The following PROSER1 variants were observed in gnomAD, a reference collection of about 807,000 sequenced individuals.
PROSER1 encodes the protein proline and serine-rich protein 1.
A neutral mutation model predicts 71.8 loss-of-function variants in PROSER1; 36 were observed. That is an observed-to-expected ratio of 0.50 (90% confidence interval 0.38 to 0.66). The LOEUF is 0.66. PROSER1 is among the 30% of genes least tolerant of loss of function. The probability of loss-of-function intolerance (pLI) is 0.00; values close to 1 mark genes in which losing one functional copy is unlikely to be tolerated. For missense variants in PROSER1, 1,107 were observed against 1,135.0 expected, an observed-to-expected ratio of 0.98 and a Z score of 0.35; for synonymous variants, 490 against 452.4, an observed-to-expected ratio of 1.08 and a Z score of -1.06.
In PROSER1 at chr13:39,037,912, C is replaced by A. The variant is rs1416624816; in HGVS notation, c.-670G>T. ...CCGGCGGCTGGGGAGCACCAGGAGC[C>A]GGGCGAAGAGGGGCACGGCCTCGCA... On this transcript the variant is annotated 5_prime_UTR_variant, in exon 1 of 13. Transcript: ENST00000352251. 6.6e-6 allele frequency: 1 copy of A among 152,454 alleles called. No homozygotes were observed. Among genetic ancestry groups the A allele is most frequent in the East Asian group, 1.9e-4 (1 of 5,194 alleles). The allele number at this position is 152,454 out of a possible 1,614,324, so 9.4% of individuals were successfully genotyped here.
intron 1 of PROSER1, 48 bp from the exon 2 acceptor site, chr13:39,034,244 C>T (rs753424721): frequency 2.2e-5 from 32 of 1,461,138 alleles, no homozygotes; most frequent in South Asian, 1.8e-4. Flanking sequence ...CATTAATATA[C>T]GTAAGCAGCA....
rs751955259 is a variant in PROSER1, at chr13:39,013,351, C to A, written c.1901G>T (p.Gly634Val). Residue 634 changes from glycine to valine, a missense_variant, in exon 11 of 13, where the codon GGT (glycine) becomes GTT (valine). Physicochemically the swap from Gly to Val is moderately radical, Grantham distance 109 (BLOSUM62 -3). Transcript: ENST00000352251. Reference protein sequence around the residue: ...HSGNPSHGTLGLSGTLGRAYT... With the variant: ...HSGNPSHGTLVLSGTLGRAYT... The stretch of plus-strand genomic sequence containing the variant: ...TGCACGGCCCAATGTCCCTGACAAA[C>A]CTAAAGTGCCATGAGAGGGATTCCC... The A allele has an allele frequency of 6.2e-6, 10 of 1,614,104 alleles. No individual in the cohort carries two copies. The highest frequency in any genetic ancestry group is 8.5e-6 in the Non-Finnish European group (10 of 1,180,028).
intron 5 of PROSER1, 150 bp downstream of exon 5, chr13:39,028,077 C>T (rs909507683): frequency 9.0e-5 from 40 of 443,108 alleles, no homozygotes; most frequent in African/African-American, 3.0e-4. Flanking sequence ...TCTATTTCCA[C>T]GCCGCAGACC....
intron 2 of PROSER1, among the ~76,000 whole-genome samples, chr13:39,032,903 T>C (rs1042786797): frequency 2.0e-5 from 3 of 151,840 alleles, no homozygotes; most frequent in African/African-American, 7.3e-5. Context: ...AGAAATTATA[T>C]ATCTTTTTAA....
chr13:39,027,961 C>T (rs1325820367), intron 5 of PROSER1, among the ~76,000 whole-genome samples: 1 of 152,040 alleles, frequency 6.6e-6, no homozygotes, highest in Non-Finnish European at 1.5e-5. Flanking sequence ...GGCAAAGGTA[C>T]CAAGGGACCA....
chr13:39,025,089 C>G (rs1441171842), intron 6 of PROSER1, among the ~76,000 whole-genome samples: 2 of 151,904 alleles, frequency 1.3e-5, no homozygotes, highest in Non-Finnish European at 2.9e-5. Flanking sequence ...TAGGAGCAAT[C>G]AGAAATGAAC....
intron 12 of PROSER1, 95 bp from the exon 13 acceptor site, chr13:39,011,582 GGAAA>G: frequency 7.8e-7 from 1 of 1,275,852 alleles, no homozygotes; most frequent in Non-Finnish European, 1.1e-6. Flanking sequence ...ATTCAGAATA[GGAAA>G]GAAAGACAAG....
Position 39,037,676 on chromosome 13 carries a change from G to A in PROSER1, c.-434C>T, listed in dbSNP as rs1002766657. 1 of 154,134 alleles carries A rather than the reference G, an allele frequency of 6.5e-6. No individual in the cohort carries two copies. The highest frequency in any genetic ancestry group is 1.4e-5 in the Non-Finnish European group (1 of 69,442). 9.5% of individuals were successfully genotyped at this position (154,134 alleles called of 1,614,324 possible). On this transcript the variant is annotated 5_prime_UTR_variant, in exon 1 of 13. Coordinates refer to ENST00000352251, the MANE Select transcript of PROSER1 (RefSeq NM_025138.5). ...CAGAGTAGAAACACCTGCGCTCAGA[G>A]TCCACGGGCGGCGGGGAGGGAGGCG...
chr13:39,013,316 T>G lies in PROSER1; in HGVS notation c.1936A>C (p.Thr646Pro). ...GCAGATAAACTGATGGGCACGGATG[T>G]TGAAGTATATGCACGGCCCAATGTC... Reference protein sequence around the residue: ...SGTLGRAYTSTSVPISLSACL... With the variant: ...SGTLGRAYTSPSVPISLSACL... The change falls in exon 11 of 13, where the codon ACA becomes CCA. Residue 646 changes from threonine to proline, a missense_variant. Coordinates refer to ENST00000352251, the MANE Select transcript of PROSER1 (RefSeq NM_025138.5). 1 of 1,614,122 alleles carries G rather than the reference T, an allele frequency of 6.2e-7. No individual in the cohort carries two copies. The highest frequency in any genetic ancestry group is 1.1e-5 in the South Asian group (1 of 91,074).
chr13:39,022,910 GCTAA>G (rs1401616025), intron 8 of PROSER1, 138 bp downstream of exon 8: 2 of 621,252 alleles, frequency 3.2e-6, no homozygotes, highest in African/African-American at 1.8e-5. Flanking sequence ...GACACTACTA[GCTAA>G]CTATGGGCAT....
chr13:39,023,011 G>A (rs1349272951), intron 8 of PROSER1, 41 bp downstream of exon 8: 32 of 1,514,994 alleles, frequency 2.1e-5, no homozygotes, highest in Non-Finnish European at 2.9e-5. Context: ...TAAATAAACA[G>A]CAAAAAAGAA....
rs1248371319 is a variant in PROSER1, at chr13:39,037,184, A to G, written c.45+14T>C. 1 of 1,562,456 alleles carries G rather than the reference A, an allele frequency of 6.4e-7. No individual in the cohort carries two copies. Among genetic ancestry groups the G allele is most frequent in the Non-Finnish European group, 8.8e-7 (1 of 1,132,962 alleles). The stretch of plus-strand genomic sequence containing the variant: ...TTCATCTCATAAAATAATTCATGGA[A>G]TCGGTCTAATTACCTTTCTAATTTC... On this transcript the variant is annotated intron_variant, in intron 1 of 12. Coordinates refer to ENST00000352251, the MANE Select transcript of PROSER1 (RefSeq NM_025138.5).
rs748837584 is a variant in PROSER1, at chr13:39,012,156, G to A, written c.2639C>T (p.Pro880Leu). 1 of 1,614,116 alleles carries A rather than the reference G, an allele frequency of 6.2e-7. No individual in the cohort carries two copies. The highest frequency in any genetic ancestry group is 2.2e-5 in the East Asian group (1 of 44,874). ...LLSLPGIPGF[P>L]QNPSQSSLQE... ...CAAGGATGATTGTGAAGGATTCTGA[G>A]GAAACCCAGGGATACCCGGGAGGGA... Residue 880 changes from proline (P) to leucine (L), a missense_variant, in exon 12 of 13, where the codon CCT (proline) becomes CTT (leucine). Coordinates refer to ENST00000352251, the MANE Select transcript of PROSER1 (RefSeq NM_025138.5).
At position 39,031,753 on chromosome 13, in the gene PROSER1, A is replaced by G. The variant is rs866894266; in HGVS notation, c.112-122T>C. On this transcript the variant is annotated intron_variant, in intron 2 of 12. Coordinates refer to ENST00000352251, the MANE Select transcript of PROSER1 (RefSeq NM_025138.5). ...AGGCCCAGGTGATACAGGTGGCATT[A>G]AAGTTTAAAAACTGTGCTAACAGAA... The G allele has an allele frequency of 3.6e-5, 27 of 749,702 alleles. No homozygotes were observed. In the Middle Eastern group the frequency reaches 2.6e-3, roughly 72 times the overall value. 46.4% of individuals were successfully genotyped at this position (749,702 alleles called of 1,614,324 possible).
chr13:39,021,334 C>T (rs954244518), intron 9 of PROSER1, among the ~76,000 whole-genome samples: 6 of 152,098 alleles, frequency 3.9e-5, no homozygotes, highest in Non-Finnish European at 7.4e-5. Context: ...CAGAAAGGTG[C>T]CTACCCTAGT....
rs1593539262 is a variant in PROSER1, at chr13:39,029,277, T to C, written c.275+4A>G. The C allele has an allele frequency of 7.6e-7, 1 of 1,311,560 alleles. No individual in the cohort carries two copies. Among genetic ancestry groups the C allele is most frequent in the Non-Finnish European group, 1.0e-6 (1 of 965,112 alleles). The allele number at this position is 1,311,560 out of a possible 1,614,324, so 81.2% of individuals were successfully genotyped here. On this transcript the variant is annotated splice_donor_region_variant and intron_variant, in intron 4 of 12. Transcript: ENST00000352251. ...AAAAAAAAAAAAAAAAAAGAAATAC[T>C]TACGAGGCTAACAGTTCAAGAGCAA...
At chr13:39,024,076 TC>T (rs1376105247) in intron 7 of PROSER1, 4 of 174,476 alleles carry the variant, frequency 2.3e-5, no homozygotes, top group African/African-American at 9.6e-5. Flanking sequence ...TCTTCTCCTG[TC>T]CTGTTTACAT....
At chr13:39,030,911 A>G (rs1028854777) in intron 3 of PROSER1, among the ~76,000 whole-genome samples, 3 of 152,156 alleles carry the variant, frequency 2.0e-5, no homozygotes, top group Non-Finnish European at 4.4e-5. Context: ...GCACTAACAG[A>G]CCCAGACACT....
rs1869592653 is a variant in PROSER1 at position 39,010,527 on chromosome 13, T to A, written c.*838A>T. 6.5e-6 allele frequency: 1 copy of A among 152,672 alleles called. No homozygotes were observed. Among genetic ancestry groups the A allele is most frequent in the Admixed American group, 6.5e-5 (1 of 15,278 alleles). The allele number at this position is 152,672 out of a possible 1,614,324, so 9.5% of individuals were successfully genotyped here. On this transcript the variant is annotated 3_prime_UTR_variant, in exon 13 of 13. Transcript: ENST00000352251. ...CACATATTTCATATAAGCATTTGACTTAAAGTACAAATAGAAATACTACAT... is the reference window on the plus strand; with the variant it reads ...CACATATTTCATATAAGCATTTGACATAAAGTACAAATAGAAATACTACAT...
Sources: allele counts gnomAD v4.1 joint callset (sites outside exome capture counted in the v4.1 genomes callset), GRCh38; gene constraint gnomAD v4.1.1; transcripts MANE v1.5; gene names NCBI Gene and HGNC (gene_info 2026-07-23, HGNC 2026-07-21).